The following PCOLCE2 variants were observed in gnomAD, a reference collection of about 807,000 sequenced individuals.
PCOLCE2 encodes the protein procollagen C-proteinase enhancer 2.
Under a neutral mutation model 47.0 loss-of-function variants are expected in PCOLCE2, and 42 were observed. That is an observed-to-expected ratio of 0.89 (90% CI 0.70 to 1.16). The LOEUF (loss-of-function observed/expected upper bound fraction) is 1.16. Among genes scored for constraint, PCOLCE2 ranks in the 50% most tolerant of loss-of-function variants. The pLI, the probability that PCOLCE2 is intolerant of heterozygous loss-of-function variation, is 0.00. For missense variants in PCOLCE2, 500 were observed against 526.1 expected (o/e 0.95, Z 0.49); for synonymous variants, 169 against 191.7 (o/e 0.88, Z 0.98).
At chr3:142,874,525 ATAAAT>A (rs1933461743) in intron 2 of PCOLCE2, among the ~76,000 whole-genome samples, 1 of 152,188 alleles carries the variant, frequency 6.6e-6, no homozygotes, top group Admixed American at 6.5e-5. Context: ...TCTTTTCTTT[ATAAAT>A]TACCCAGTCT....
At chr3:142,820,120 T>TTA (rs1936996245) in intron 8 of PCOLCE2, among the ~76,000 whole-genome samples, 1 of 151,848 alleles carries the variant, frequency 6.6e-6, no homozygotes, top group Non-Finnish European at 1.5e-5. Context: ...TTTTTTTTTT[T>TTA]TATAGAAATA....
intron 2 of PCOLCE2, among the ~76,000 whole-genome samples, chr3:142,868,919 A>G (rs1933332779): frequency 6.6e-6 from 1 of 152,198 alleles, no homozygotes; most frequent in South Asian, 2.1e-4. Context: ...AAAACTTTAT[A>G]TATAATGGGG....
intron 3 of PCOLCE2, among the ~76,000 whole-genome samples, chr3:142,847,450 A>T (rs1356377377): frequency 6.6e-6 from 1 of 152,212 alleles, no homozygotes; most frequent in Admixed American, 6.5e-5. Context: ...GAAAACATAC[A>T]AATATTGCCC....
In PCOLCE2 at chr3:142,860,554, G is replaced by A. The variant is rs145516657; in HGVS notation, c.193-12082C>T. Among the ~76,000 whole-genome samples, 1,271 of 151,980 alleles carry A rather than the reference G, an allele frequency of 8.4e-3. 16 individuals carry two copies. Among genetic ancestry groups the A allele is most frequent in the African/African-American group, 0.028 (1,166 of 41,456 alleles). On this transcript the variant is annotated intron_variant, in intron 2 of 8. Transcript: ENST00000295992. The stretch of plus-strand genomic sequence containing the variant: ...CCCCCAAGTAGCTGGGATTACAGGC[G>A]CCCACCACCACGCCCAGCTAATTTT...
intron 2 of PCOLCE2, among the ~76,000 whole-genome samples, chr3:142,853,026 A>C (rs1447300340): frequency 6.6e-6 from 1 of 150,516 alleles, no homozygotes; most frequent in Non-Finnish European, 1.5e-5. Context: ...GGATTACTTG[A>C]GCCTGGGACA....
intron 3 of PCOLCE2, among the ~76,000 whole-genome samples, chr3:142,845,411 T>C (rs1937315671): frequency 6.6e-6 from 1 of 152,250 alleles, no homozygotes; most frequent in Non-Finnish European, 1.5e-5. Context: ...TTTGAACAGA[T>C]ACATGTAAAG....
At chr3:142,879,215 G>C (rs1179108625) in intron 2 of PCOLCE2, among the ~76,000 whole-genome samples, 1 of 151,322 alleles carries the variant, frequency 6.6e-6, no homozygotes, top group Admixed American at 6.6e-5. Flanking sequence ...AATGATTTTT[G>C]TTTGGTATGA....
intron 2 of PCOLCE2, among the ~76,000 whole-genome samples, chr3:142,858,310 C>T (rs1396647147): frequency 6.6e-6 from 1 of 152,176 alleles, no homozygotes. Context: ...CCACATGCAC[C>T]TGGCAGCCAG....
intron 2 of PCOLCE2, among the ~76,000 whole-genome samples, chr3:142,854,302 A>T (rs1202777708): frequency 6.6e-6 from 1 of 152,028 alleles, no homozygotes; most frequent in Non-Finnish European, 1.5e-5. Context: ...TGCAGACCAC[A>T]GTTGATCTAC....
Position 142,887,702 on chromosome 3 carries a change from G to A in PCOLCE2, c.159C>T (p.Tyr53=), listed in dbSNP as rs758146847. The change falls in exon 2 of 9, where the codon TAC becomes TAT. Residue 53 remains tyrosine (Y), a synonymous_variant. Coordinates refer to ENST00000295992, the MANE Select transcript of PCOLCE2 (RefSeq NM_013363.4). ...TCCAAGTACATTTGCTATTTGGAGG[G>A]TACACTCCAGGAAAACCTTCACTGC... The part of the protein sequence containing the change: ...FIGSEGFPGV[Y]PPNSKCTWKI... 9 of 1,601,838 alleles carry A rather than the reference G, an allele frequency of 5.6e-6. No individual in the cohort carries two copies. The East Asian group carries it at 1.8e-4, about 32-fold the overall frequency.
At chr3:142,868,660 C>T (rs1312731360) in intron 2 of PCOLCE2, among the ~76,000 whole-genome samples, 1 of 152,092 alleles carries the variant, frequency 6.6e-6, no homozygotes, top group African/African-American at 2.4e-5. Flanking sequence ...GCACTCACAC[C>T]GTCACTCTCT....
chr3:142,860,715 T>G (rs1933166193), intron 2 of PCOLCE2, among the ~76,000 whole-genome samples: 1 of 152,220 alleles, frequency 6.6e-6, no homozygotes, highest in East Asian at 1.9e-4. Flanking sequence ...GCCCATGCCT[T>G]GTTCTTTAAG....
intron 2 of PCOLCE2, among the ~76,000 whole-genome samples, chr3:142,879,767 A>T (rs1044727969): frequency 6.6e-6 from 1 of 152,142 alleles, no homozygotes; most frequent in Non-Finnish European, 1.5e-5. Flanking sequence ...CAGGAGATCG[A>T]GACCATCCTG....
intron 6 of PCOLCE2, among the ~76,000 whole-genome samples, chr3:142,826,653 A>C (rs550102634): frequency 6.6e-6 from 1 of 152,176 alleles, no homozygotes; most frequent in Non-Finnish European, 1.5e-5. Flanking sequence ...TCAATTTGCC[A>C]TGCTCCACAC....
rs539831744 is a variant in PCOLCE2, at chr3:142,870,551, TC to T, written c.192+17117del. On this transcript the variant is annotated intron_variant, in intron 2 of 8. Transcript: ENST00000295992. ...TGACCACAGTTCAACCTCAACAGAT[TC>T]TGACGCCTTATTTTCAATGTAAAAT... is the stretch of plus-strand genomic sequence containing the variant. Among the ~76,000 whole-genome samples the T allele has an allele frequency of 5.5e-3, 835 of 152,234 alleles. 6 individuals are homozygous for T. Among genetic ancestry groups the T allele is most frequent in the Non-Finnish European group, 9.1e-3 (618 of 68,008 alleles).
chr3:142,884,838 G>C (rs1933689840), intron 2 of PCOLCE2, among the ~76,000 whole-genome samples: 2 of 152,168 alleles, frequency 1.3e-5, no homozygotes, highest in African/African-American at 4.8e-5. Context: ...CTGTCCACAA[G>C]AAAAATTGTG....
chr3:142,835,342 T>C (rs1937191124), intron 5 of PCOLCE2, among the ~76,000 whole-genome samples: 1 of 152,226 alleles, frequency 6.6e-6, no homozygotes, highest in Non-Finnish European at 1.5e-5. Context: ...ATAGCAACTA[T>C]TTCTGGTAAT....
intron 4 of PCOLCE2, among the ~76,000 whole-genome samples, chr3:142,839,538 C>T (rs1431979251): frequency 6.6e-6 from 1 of 152,168 alleles, no homozygotes; most frequent in Non-Finnish European, 1.5e-5. Context: ...CTCTCAAACT[C>T]CTGACCTCAA....
chr3:142,847,750 TG>T (rs35661927), intron 3 of PCOLCE2, among the ~76,000 whole-genome samples: 11,471 of 152,290 alleles, frequency 0.075, 495 homozygotes, highest in African/African-American at 0.12. Context: ...TTGCCCAGGC[TG>T]GTCTTGAATT....
Sources: allele counts gnomAD v4.1 joint callset (sites outside exome capture counted in the v4.1 genomes callset), GRCh38; gene constraint gnomAD v4.1.1; transcripts MANE v1.5; gene names NCBI Gene and HGNC (gene_info 2026-07-23, HGNC 2026-07-21).